The following RAI14 variants were observed in gnomAD, a reference collection of about 807,000 sequenced individuals.
RAI14 encodes the protein retinoic acid induced 14, also known as ankycorbin.
In RAI14, 45 loss-of-function variants were observed where a neutral mutation model predicts 115.4. The observed-to-expected ratio is 0.39, with a 90% CI of 0.31 to 0.50. The LOEUF (loss-of-function observed/expected upper bound fraction) is 0.50. Among genes scored for constraint, RAI14 ranks in the 20% least tolerant of loss-of-function variants. RAI14 has a pLI of 0.85. For synonymous variants in RAI14, 371 were observed against 415.4 expected (o/e 0.89, Z 1.30); for missense variants, 939 against 1,131.2 (o/e 0.83, Z 2.44).
chr5:34,751,093 C>G (rs1256441457), intron 2 of RAI14, among the ~76,000 whole-genome samples: 9 of 145,920 alleles, frequency 6.2e-5, no homozygotes, highest in African/African-American at 2.0e-4. Flanking sequence ...TCAGGTGATC[C>G]GCCTGCCTTA....
At chr5:34,782,428 GT>G (rs1196969965) in intron 3 of RAI14, among the ~76,000 whole-genome samples, 1 of 152,160 alleles carries the variant, frequency 6.6e-6, no homozygotes, top group Non-Finnish European at 1.5e-5. Flanking sequence ...GCTTTTAAGT[GT>G]TTTTATGCAT....
chr5:34,721,615 T>A (rs1742764674), intron 2 of RAI14, among the ~76,000 whole-genome samples: 1 of 152,174 alleles, frequency 6.6e-6, no homozygotes, highest in Admixed American at 6.5e-5. Flanking sequence ...CAATTCCGTG[T>A]CTGCCTTTAT....
chr5:34,785,764 C>A (rs562515867), intron 3 of RAI14, among the ~76,000 whole-genome samples: 2 of 152,162 alleles, frequency 1.3e-5, no homozygotes. Flanking sequence ...TCCTCCTGTT[C>A]GTTTAATTTC....
In RAI14 at chr5:34,824,483, G is replaced by A; in HGVS notation, c.2641G>A (p.Asp881Asn). ...CTCTTCAAAACTGGAGGAAGATAAA[G>A]ATAAAAAGGTTGGTGAAACTGTATT... Reference protein sequence around the residue: ...ESSSKLEEDKDKKINEMSKEV... With the variant: ...ESSSKLEEDKNKKINEMSKEV... Residue 881 changes from aspartate (D) to asparagine (N), a missense_variant, in exon 15 of 18, where the codon GAT becomes AAT. By Grantham distance (23) the Asp-to-Asn change is conservative. Transcript: ENST00000265109. 6.4e-7 allele frequency: 1 copy of A among 1,569,292 alleles called. No homozygotes were observed. Among genetic ancestry groups the A allele is most frequent in the Non-Finnish European group, 8.6e-7 (1 of 1,158,798 alleles).
chr5:34,766,313 CACCA>C (rs1749355804), intron 3 of RAI14, among the ~76,000 whole-genome samples: 1 of 152,184 alleles, frequency 6.6e-6, no homozygotes, highest in Non-Finnish European at 1.5e-5. Flanking sequence ...AGACACTCAA[CACCA>C]GCCCGTGAGA....
chr5:34,755,142 GT>G (rs1408088875), intron 2 of RAI14, among the ~76,000 whole-genome samples: 2 of 152,246 alleles, frequency 1.3e-5, no homozygotes, highest in East Asian at 3.9e-4. Context: ...GCTGCACTGT[GT>G]TTCTTGGGGC....
chr5:34,756,056 A>G (rs1747834760), intron 2 of RAI14, among the ~76,000 whole-genome samples: 1 of 152,184 alleles, frequency 6.6e-6, no homozygotes, highest in Non-Finnish European at 1.5e-5. Flanking sequence ...ACAGAGTCCT[A>G]AAAACTGGGA....
chr5:34,772,036 G>A (rs946648237), intron 3 of RAI14, among the ~76,000 whole-genome samples: 8 of 152,070 alleles, frequency 5.3e-5, no homozygotes, highest in Non-Finnish European at 1.0e-4. Context: ...ACCCTCTCAA[G>A]TAGGTGGGAC....
At position 34,815,634 on chromosome 5, in the gene RAI14, G is replaced by A. The variant is rs28382366; in HGVS notation, c.939+965G>A. Among the ~76,000 whole-genome samples, 395 of 152,274 alleles carry A rather than the reference G, an allele frequency of 2.6e-3. 1 individual carries two copies. Among genetic ancestry groups the A allele is most frequent in the African/African-American group, 9.1e-3 (379 of 41,562 alleles). On this transcript the variant is annotated intron_variant, in intron 12 of 17. Transcript: ENST00000265109. ...AACCCATAGAAGCAGAGAGTAGAAT[G>A]ATAATTGGGGGAGTGGTGGGAGGTA... is the stretch of plus-strand genomic sequence containing the variant.
chr5:34,759,542 G>A (rs1281913237), intron 3 of RAI14, among the ~76,000 whole-genome samples: 2 of 152,134 alleles, frequency 1.3e-5, no homozygotes, highest in Non-Finnish European at 2.9e-5. Flanking sequence ...AGGGATCTAG[G>A]TTGTGAGCTC....
intron 4 of RAI14, among the ~76,000 whole-genome samples, 195 bp from the exon 5 acceptor site, chr5:34,803,517 A>ACCAGG (rs1169719924): frequency 6.6e-6 from 1 of 152,128 alleles, no homozygotes; most frequent in African/African-American, 2.4e-5. Flanking sequence ...TGATCGCGTC[A>ACCAGG]CTGCATTCCA....
At chr5:34,706,280 A>C (rs898731572) in intron 2 of RAI14, among the ~76,000 whole-genome samples, 1 of 152,202 alleles carries the variant, frequency 6.6e-6, no homozygotes, top group Admixed American at 6.5e-5. Flanking sequence ...TTTTCCTTAA[A>C]ATGTTTAATC....
chr5:34,747,716 A>G (rs896110808), intron 2 of RAI14, among the ~76,000 whole-genome samples: 42 of 152,272 alleles, frequency 2.8e-4, no homozygotes, highest in African/African-American at 9.9e-4. Flanking sequence ...TTATTTAATA[A>G]TTTAAAATTC....
intron 2 of RAI14, among the ~76,000 whole-genome samples, chr5:34,752,723 G>C (rs1049366490): frequency 2.8e-5 from 3 of 108,814 alleles, no homozygotes; most frequent in African/African-American, 1.1e-4. Flanking sequence ...GTGTGTGTGT[G>C]TGTGTGTGTG....
chr5:34,782,063 T>C (rs796745516), intron 3 of RAI14, among the ~76,000 whole-genome samples: 1 of 152,264 alleles, frequency 6.6e-6, no homozygotes, highest in South Asian at 2.1e-4. Context: ...TCACTCATGC[T>C]ATTGTTTGTG....
chr5:34,659,199 G>A (rs1561216358), intron 1 of RAI14: 1 of 152,182 alleles, frequency 6.6e-6, no homozygotes, highest in Non-Finnish European at 1.5e-5. Context: ...CTGTTACAGA[G>A]AATCCCAGTG....
chr5:34,805,656 A>G (rs997876488), intron 5 of RAI14, among the ~76,000 whole-genome samples: 1 of 152,102 alleles, frequency 6.6e-6, no homozygotes, highest in East Asian at 1.9e-4. Flanking sequence ...CCTGGCCAAC[A>G]TGGTGAAACC....
Position 34,672,879 on chromosome 5 carries a change from C to T in RAI14, c.-48-13993C>T, listed in dbSNP as rs1488064924. ...ACTTCCCCACCGTCTGTCCTTCTCA[C>T]ATTGTTTCTGCCTATCCTGAAGGTT... On this transcript the variant is annotated intron_variant, in intron 1 of 17. Transcript: ENST00000265109. Among the ~76,000 whole-genome samples the T allele has an allele frequency of 1.3e-5, 2 of 151,992 alleles. 1 individual carries two copies. The highest frequency in any genetic ancestry group is 2.9e-5 in the Non-Finnish European group (2 of 68,016).
At chr5:34,723,209 T>A (rs1743016036) in intron 2 of RAI14, among the ~76,000 whole-genome samples, 1 of 152,108 alleles carries the variant, frequency 6.6e-6, no homozygotes, top group Non-Finnish European at 1.5e-5. Context: ...ATAGGATGTT[T>A]ATCTATATAC....
Sources: allele counts gnomAD v4.1 joint callset (sites outside exome capture counted in the v4.1 genomes callset), GRCh38; gene constraint gnomAD v4.1.1; transcripts MANE v1.5; gene names NCBI Gene and HGNC (gene_info 2026-07-23, HGNC 2026-07-21).